The following NT5DC1 variants were observed in gnomAD, a reference collection of about 807,000 sequenced individuals.
NT5DC1 encodes 5'-nucleotidase domain containing 1.
In NT5DC1, 42 loss-of-function variants were observed where a neutral mutation model predicts 59.4. That is an observed-to-expected ratio of 0.71 (90% CI 0.55 to 0.92). The LOEUF (loss-of-function observed/expected upper bound fraction) is 0.92. Among genes scored for constraint, NT5DC1 ranks in the 40% least tolerant of loss-of-function variants. The pLI, the probability that NT5DC1 is intolerant of heterozygous loss-of-function variation, is 0.00. For synonymous variants in NT5DC1, 172 were observed against 188.1 expected, an observed-to-expected ratio of 0.91 and a Z score of 0.70; for missense variants, 501 against 537.1, an observed-to-expected ratio of 0.93 and a Z score of 0.66.
chr6:116,178,598 C>G (rs1780803842), intron 6 of NT5DC1, among the ~76,000 whole-genome samples: 1 of 152,174 alleles, frequency 6.6e-6, no homozygotes, highest in South Asian at 2.1e-4. Flanking sequence ...GTGTTCCCAC[C>G]TTTTACTCTG....
intron 6 of NT5DC1, among the ~76,000 whole-genome samples, chr6:116,166,888 T>G (rs1457943594): frequency 6.6e-6 from 1 of 152,180 alleles, no homozygotes; most frequent in Non-Finnish European, 1.5e-5. Flanking sequence ...ATGAGAATAA[T>G]TTTTTGTTAT....
At chr6:116,238,067 T>C (rs1368889121) in intron 9 of NT5DC1, 120 bp from the exon 10 acceptor site, 2 of 616,796 alleles carry the variant, frequency 3.2e-6, no homozygotes, top group Non-Finnish European at 5.5e-6. Context: ...TGAAGATGTT[T>C]ATGCAATTTT....
intron 10 of NT5DC1, among the ~76,000 whole-genome samples, chr6:116,238,552 AAAT>A (rs745608076): frequency 3.3e-5 from 5 of 152,170 alleles, no homozygotes; most frequent in East Asian, 1.9e-4. Context: ...TGAAAGCAAT[AAAT>A]AATAATTCCA....
chr6:116,120,929 A>T, intron 6 of NT5DC1: 2 of 1,613,732 alleles, frequency 1.2e-6, no homozygotes, highest in Non-Finnish European at 1.7e-6. Context: ...AGGACCATCG[A>T]GACCTGGTTT....
chr6:116,101,125 T>A, intron 1 of NT5DC1, 102 bp downstream of exon 1: 1 of 803,288 alleles, frequency 1.2e-6, no homozygotes, highest in Non-Finnish European at 1.9e-6. Context: ...GCCCGGGGCC[T>A]GCGGCGGCCG....
chr6:116,136,691 C>A lies in NT5DC1; in HGVS notation c.529+18746C>A, dbSNP rs1779613804. Among the ~76,000 whole-genome samples, 6 of 152,072 alleles carry A rather than the reference C, an allele frequency of 3.9e-5. 1 individual carries two copies. The highest frequency in any genetic ancestry group is 3.9e-4 in the Admixed American group (6 of 15,264). On this transcript the variant is annotated intron_variant, in intron 6 of 11. Coordinates refer to ENST00000319550, the MANE Select transcript of NT5DC1 (RefSeq NM_152729.3). ...AGTATCTATCTTTCATATTAATAAA[C>A]AGATAAAAATCCATATGCTGTTATC...
At chr6:116,227,895 A>G (rs981881006) in intron 8 of NT5DC1, among the ~76,000 whole-genome samples, 4 of 151,548 alleles carry the variant, frequency 2.6e-5, no homozygotes, top group Non-Finnish European at 5.9e-5. Context: ...AATATTTTCT[A>G]CCATTCTACA....
chr6:116,142,566 T>C (rs1779794457), intron 6 of NT5DC1, among the ~76,000 whole-genome samples: 1 of 151,904 alleles, frequency 6.6e-6, no homozygotes, highest in Admixed American at 6.5e-5. Flanking sequence ...ATAAGGTACT[T>C]AATTTACAGT....
intron 6 of NT5DC1, among the ~76,000 whole-genome samples, chr6:116,126,587 A>G (rs1779319353): frequency 6.6e-6 from 1 of 152,176 alleles, no homozygotes; most frequent in South Asian, 2.1e-4. Context: ...CAATGTGTCT[A>G]TTAATATTCA....
At chr6:116,185,078 T>C (rs576944365) in intron 6 of NT5DC1, among the ~76,000 whole-genome samples, 3 of 152,082 alleles carry the variant, frequency 2.0e-5, no homozygotes, top group Non-Finnish European at 4.4e-5. Context: ...TATCATTAAG[T>C]TTAAAGAATT....
chr6:116,111,066 C>T (rs1742429115), intron 4 of NT5DC1, 110 bp downstream of exon 4: 1 of 696,994 alleles, frequency 1.4e-6, no homozygotes. Context: ...GGCAGGATGC[C>T]AAAGGGAGCA....
intron 6 of NT5DC1, among the ~76,000 whole-genome samples, chr6:116,216,570 TGAGA>T (rs1377520207): frequency 6.6e-6 from 1 of 151,956 alleles, no homozygotes; most frequent in African/African-American, 2.4e-5. Context: ...AGCTTTTATT[TGAGA>T]GACTTTCCAA....
At chr6:116,106,015 G>C (rs375520643) in intron 1 of NT5DC1, among the ~76,000 whole-genome samples, 1 of 152,318 alleles carries the variant, frequency 6.6e-6, no homozygotes, top group East Asian at 1.9e-4. Context: ...GTCTTTGGTT[G>C]TATAATTGTA....
chr6:116,149,997 A>C (rs1047393828), intron 6 of NT5DC1, among the ~76,000 whole-genome samples: 1 of 152,164 alleles, frequency 6.6e-6, no homozygotes, highest in African/African-American at 2.4e-5. Context: ...TCCCTTTGAC[A>C]TCTGCCCCCC....
chr6:116,154,324 C>G (rs531484040), intron 6 of NT5DC1, among the ~76,000 whole-genome samples: 3 of 152,020 alleles, frequency 2.0e-5, no homozygotes, highest in Non-Finnish European at 2.9e-5. Flanking sequence ...TCACTGAGGC[C>G]GGGATTTCTT....
intron 6 of NT5DC1, among the ~76,000 whole-genome samples, chr6:116,150,941 A>G (rs1311973696): frequency 1.4e-4 from 21 of 152,228 alleles, no homozygotes; most frequent in Admixed American, 1.4e-3. Flanking sequence ...TAAATTTTAT[A>G]AGTAAAACAT....
intron 6 of NT5DC1, among the ~76,000 whole-genome samples, chr6:116,195,046 A>T (rs754199563): frequency 1.3e-5 from 2 of 152,142 alleles, no homozygotes; most frequent in East Asian, 3.9e-4. Context: ...CTCTCTCTAT[A>T]TTCTGCTTTG....
chr6:116,148,864 C>G (rs2114389967), intron 6 of NT5DC1, among the ~76,000 whole-genome samples: 1 of 152,190 alleles, frequency 6.6e-6, no homozygotes, highest in East Asian at 1.9e-4. Context: ...AAATAAGGGT[C>G]TAGCCAAAGA....
At chr6:116,137,615 T>C (rs921955847) in intron 6 of NT5DC1, 1 of 212,696 alleles carries the variant, frequency 4.7e-6, no homozygotes, top group Non-Finnish European at 1.0e-5. Flanking sequence ...CGTGCCTCAG[T>C]AGTGGGAAAC....
Sources: allele counts gnomAD v4.1 joint callset (sites outside exome capture counted in the v4.1 genomes callset), GRCh38; gene constraint gnomAD v4.1.1; transcripts MANE v1.5; gene names NCBI Gene and HGNC (gene_info 2026-07-23, HGNC 2026-07-21).